Variants in SNTG1 observed in about 807,000 individuals in gnomAD.
SNTG1 encodes the protein gamma-1-syntrophin.
SNTG1 carries 39 observed loss-of-function variants against 74.7 expected under a neutral mutation model. The ratio of observed to expected loss-of-function variants is 0.52; its 90% CI spans 0.40 to 0.68. The LOEUF (loss-of-function observed/expected upper bound fraction) is 0.68. Ranked by LOEUF, SNTG1 falls within the 30% of genes least tolerant of loss-of-function variation. The pLI is 0.00. For missense variants in SNTG1, 685 were observed against 609.5 expected, an observed-to-expected ratio of 1.12 and a Z score of -1.30; for synonymous variants, 254 against 217.1, an observed-to-expected ratio of 1.17 and a Z score of -1.49.
chr8:49,994,244 AT>A (rs1813969239), intron 1 of SNTG1, among the ~76,000 whole-genome samples: 1 of 141,464 alleles, frequency 7.1e-6, no homozygotes, highest in Non-Finnish European at 1.5e-5. Context: ...CAAGATTATT[AT>A]TTTTATTCTT....
Position 50,433,388 on chromosome 8 carries a change from G to T in SNTG1, c.163-5155G>T, listed in dbSNP as rs556529894. Among the ~76,000 whole-genome samples, 79 of 151,894 alleles carry T rather than the reference G, an allele frequency of 5.2e-4. 1 individual carries two copies. Among genetic ancestry groups the T allele is most frequent in the South Asian group, 2.7e-3 (13 of 4,810 alleles). On this transcript the variant is annotated intron_variant, in intron 4 of 18. Transcript: ENST00000642720. ...AACATCAAGATATTGAATGGCAATG[G>T]TGAACAGGGATATCCTGGCCTTATT... is the stretch of plus-strand genomic sequence containing the variant.
At chr8:50,106,232 T>C (rs1427446012) in intron 1 of SNTG1, among the ~76,000 whole-genome samples, 1 of 152,070 alleles carries the variant, frequency 6.6e-6, no homozygotes, top group African/African-American at 2.4e-5. Flanking sequence ...AAGAATCTTC[T>C]TCACATAGAG....
intron 1 of SNTG1, among the ~76,000 whole-genome samples, chr8:50,034,986 G>T (rs753240792): frequency 6.6e-6 from 1 of 152,092 alleles, no homozygotes; most frequent in Non-Finnish European, 1.5e-5. Flanking sequence ...GAGGTTCCTT[G>T]CACAGAACAA....
chr8:50,375,239 T>A (rs2131180635), intron 2 of SNTG1, among the ~76,000 whole-genome samples: 1 of 152,272 alleles, frequency 6.6e-6, no homozygotes, highest in Middle Eastern at 3.4e-3. Flanking sequence ...CTTGAATCTA[T>A]ACTCTAATGT....
chr8:50,214,817 A>G (rs2084699364), intron 2 of SNTG1, among the ~76,000 whole-genome samples: 1 of 152,178 alleles, frequency 6.6e-6, no homozygotes, highest in Non-Finnish European at 1.5e-5. Context: ...CCAAGTCAAA[A>G]AATTGCAAGT....
intron 1 of SNTG1, among the ~76,000 whole-genome samples, chr8:50,029,538 T>C (rs377106935): frequency 1.6e-4 from 24 of 152,096 alleles, no homozygotes; most frequent in East Asian, 7.7e-4. Flanking sequence ...CATCATTCTA[T>C]TCTTTATGTT....
At chr8:50,530,078 T>TTGA (rs112854590) in intron 9 of SNTG1, 99 bp from the exon 10 acceptor site, 58,321 of 952,520 alleles carry the variant, frequency 0.061, 2,792 homozygotes, top group South Asian at 0.17. Flanking sequence ...TCTGATTTAC[T>TTGA]TGATATTACT....
chr8:50,039,336 T>A (rs1038827723), intron 1 of SNTG1, among the ~76,000 whole-genome samples: 2 of 151,404 alleles, frequency 1.3e-5, no homozygotes, highest in African/African-American at 4.9e-5. Flanking sequence ...GCGCCTGTAG[T>A]CCCAGCTACT....
chr8:50,319,674 T>G, intron 2 of SNTG1, among the ~76,000 whole-genome samples: 1 of 152,194 alleles, frequency 6.6e-6, no homozygotes, highest in East Asian at 1.9e-4. Context: ...TTTTTTCAGT[T>G]TTTCCCCATT....
At chr8:50,570,276 A>ATTTTATTTTG (rs796738437) in intron 12 of SNTG1, among the ~76,000 whole-genome samples, 2,888 of 40,116 alleles carry the variant, frequency 0.072, 95 homozygotes, top group Non-Finnish European at 0.13. Context: ...ATTTTATTTT[A>ATTTTATTTTG]TAGATGGAGT....
intron 2 of SNTG1, among the ~76,000 whole-genome samples, chr8:50,276,373 T>TTATA (rs6150576): frequency 2.7e-3 from 387 of 143,396 alleles, no homozygotes; most frequent in African/African-American, 9.3e-3. Context: ...CAAGTAAATT[T>TTATA]TATATATATA....
At chr8:50,053,792 A>G (rs982983489) in intron 1 of SNTG1, among the ~76,000 whole-genome samples, 2 of 151,908 alleles carry the variant, frequency 1.3e-5, no homozygotes, top group African/African-American at 2.4e-5. Flanking sequence ...TTATTTATCT[A>G]CAACACAAAC....
At chr8:50,084,680 A>C (rs1431898889) in intron 1 of SNTG1, among the ~76,000 whole-genome samples, 1 of 152,190 alleles carries the variant, frequency 6.6e-6, no homozygotes, top group Non-Finnish European at 1.5e-5. Flanking sequence ...AATGTCTCTG[A>C]AAAAACTCAT....
At chr8:49,914,132 A>C (rs1230933657) in intron 1 of SNTG1, among the ~76,000 whole-genome samples, 2 of 152,188 alleles carry the variant, frequency 1.3e-5, no homozygotes, top group Non-Finnish European at 2.9e-5. Context: ...ACCAATGCTA[A>C]TCTCTAATTG....
chr8:50,552,916 C>A, intron 11 of SNTG1, 134 bp from the exon 12 acceptor site: 1 of 1,044,580 alleles, frequency 9.6e-7, no homozygotes, highest in Non-Finnish European at 1.4e-6. Context: ...CTTATAAAGT[C>A]AGGTAACCAA....
At chr8:50,730,146 T>C (rs1337083670) in intron 17 of SNTG1, among the ~76,000 whole-genome samples, 1 of 152,032 alleles carries the variant, frequency 6.6e-6, no homozygotes, top group Non-Finnish European at 1.5e-5. Context: ...AATGATAAGG[T>C]TTAATTAATT....
At chr8:50,279,853 A>G (rs750943464) in intron 2 of SNTG1, among the ~76,000 whole-genome samples, 3 of 152,174 alleles carry the variant, frequency 2.0e-5, no homozygotes, top group Non-Finnish European at 2.9e-5. Flanking sequence ...GAAAAAGAAC[A>G]AAGTCTGTTA....
At chr8:50,662,729 C>A (rs760758627) in intron 15 of SNTG1, among the ~76,000 whole-genome samples, 2 of 152,150 alleles carry the variant, frequency 1.3e-5, no homozygotes, top group Non-Finnish European at 2.9e-5. Context: ...AGGAATTTGG[C>A]AACAAATGCC....
chr8:49,975,767 A>ATGTG (rs139364682), intron 1 of SNTG1, among the ~76,000 whole-genome samples: 4,010 of 146,888 alleles, frequency 0.027, 72 homozygotes, highest in Middle Eastern at 0.037. Context: ...ATATATATAT[A>ATGTG]TATGTGTGTG....
Sources: allele counts gnomAD v4.1 joint callset (sites outside exome capture counted in the v4.1 genomes callset), GRCh38; gene constraint gnomAD v4.1.1; transcripts MANE v1.5; gene names NCBI Gene and HGNC (gene_info 2026-07-23, HGNC 2026-07-21).